DTNA: variants seen among roughly 807,000 people sequenced by gnomAD.
DTNA encodes dystrophin-related protein 3.
A neutral mutation model predicts 100.7 loss-of-function variants in DTNA; 43 were observed. That is an observed-to-expected ratio of 0.43 (90% CI 0.33 to 0.55). The LOEUF (loss-of-function observed/expected upper bound fraction) is 0.55, where lower values mean the gene tolerates loss of function less well. Among genes scored for constraint, DTNA ranks in the 20% least tolerant of loss-of-function variants. The probability of loss-of-function intolerance (pLI) is 0.04; values close to 1 mark genes in which losing one functional copy is unlikely to be tolerated. For missense variants in DTNA, 798 were observed against 953.9 expected, an observed-to-expected ratio of 0.84 and a Z score of 2.15; for synonymous variants, 349 against 347.9, an observed-to-expected ratio of 1.00 and a Z score of -0.04.
intron 1 of DTNA, among the ~76,000 whole-genome samples, chr18:34,526,728 C>G (rs2042659057): frequency 6.6e-6 from 1 of 152,032 alleles, no homozygotes; most frequent in South Asian, 2.1e-4. Flanking sequence ...GAAGTTGACC[C>G]TTCTATTGTT....
chr18:34,756,312 A>C (rs964350923), intron 2 of DTNA, among the ~76,000 whole-genome samples: 30 of 152,242 alleles, frequency 2.0e-4, no homozygotes, highest in Admixed American at 1.4e-3. Context: ...ATATATGCAC[A>C]TACACAGACA....
chr18:34,563,686 A>G (rs376641224), intron 1 of DTNA, among the ~76,000 whole-genome samples: 79 of 152,292 alleles, frequency 5.2e-4, no homozygotes, highest in African/African-American at 1.4e-3. Flanking sequence ...TTGAGTTATA[A>G]CTGACAAATT....
intron 1 of DTNA, among the ~76,000 whole-genome samples, chr18:34,641,670 G>T: frequency 6.6e-6 from 1 of 152,162 alleles, no homozygotes. Context: ...GAATATCATT[G>T]CGTCTCAAAT....
At chr18:34,509,833 C>T (rs2040857525) in intron 1 of DTNA, among the ~76,000 whole-genome samples, 1 of 151,900 alleles carries the variant, frequency 6.6e-6, no homozygotes, top group Admixed American at 6.6e-5. Context: ...CTCTAAATAC[C>T]TTTAATATTT....
intron 1 of DTNA, among the ~76,000 whole-genome samples, chr18:34,723,637 G>A (rs1162887089): frequency 6.6e-6 from 1 of 152,136 alleles, no homozygotes; most frequent in African/African-American, 2.4e-5. Context: ...GGTGGCTCAG[G>A]CCTGTAATCC....
In DTNA at chr18:34,605,633, GCACACACACACACA is replaced by G. The variant is rs3078088; in HGVS notation, c.-2+112146_-2+112159del. On this transcript the variant is annotated intron_variant, in intron 1 of 19. Transcript: ENST00000283365. The stretch of plus-strand genomic sequence containing the variant: ...GCAAACCATCAAAATTGCAACTCAG[GCACACACACACACA>G]CACACACACACACACACACACACAC... Among the ~76,000 whole-genome samples the G allele has an allele frequency of 3.5e-4, 50 of 142,236 alleles. 1 individual carries two copies. Among genetic ancestry groups the G allele is most frequent in the Non-Finnish European group, 7.7e-5 (5 of 65,088 alleles). 93.3% of individuals were successfully genotyped at this position (142,236 alleles called of 152,430 possible).
chr18:34,695,705 A>G (rs1488305222), intron 1 of DTNA, among the ~76,000 whole-genome samples: 1 of 152,206 alleles, frequency 6.6e-6, no homozygotes, highest in Non-Finnish European at 1.5e-5. Context: ...GTCCTTCTCT[A>G]TGGTCTGATA....
intron 17 of DTNA, chr18:34,867,822 C>T (rs2096722932): frequency 1.0e-6 from 1 of 985,456 alleles, no homozygotes; most frequent in African/African-American, 1.7e-5. Context: ...CCTTCCAGCT[C>T]CTCTCCACCA....
intron 15 of DTNA, 105 bp downstream of exon 15, chr18:34,852,033 T>C: frequency 8.9e-7 from 1 of 1,122,640 alleles, no homozygotes; most frequent in Non-Finnish European, 1.3e-6. Flanking sequence ...GTATGGCTAC[T>C]CAAGGGAAGA....
intron 1 of DTNA, among the ~76,000 whole-genome samples, chr18:34,512,020 A>G (rs1340352180): frequency 6.6e-6 from 1 of 151,900 alleles, no homozygotes; most frequent in Non-Finnish European, 1.5e-5. Flanking sequence ...GAGTCTCTGC[A>G]TCTGTTGAAT....
intron 1 of DTNA, among the ~76,000 whole-genome samples, chr18:34,605,997 A>T (rs954155227): frequency 1.3e-5 from 2 of 152,110 alleles, no homozygotes; most frequent in African/African-American, 2.4e-5. Context: ...GTGTTAAAAA[A>T]CAATTTATGT....
At chr18:34,805,335 T>C (rs952674042) in intron 4 of DTNA, among the ~76,000 whole-genome samples, 1 of 151,660 alleles carries the variant, frequency 6.6e-6, no homozygotes, top group Non-Finnish European at 1.5e-5. Flanking sequence ...AGCTTTTACT[T>C]TTTTTTTAAG....
At position 34,824,455 on chromosome 18, in the gene DTNA, G is replaced by A. The variant is rs565706301; in HGVS notation, c.1002-3138G>A. ...CGCGCCACCGCACTCCAGCCTAGGC[G>A]ACAGAGCAAGACGCCATCTCAAAAA... On this transcript the variant is annotated intron_variant, in intron 9 of 22. Coordinates refer to ENST00000444659, the MANE Select transcript of DTNA (RefSeq NM_001386795.1). 4.0e-3 allele frequency among the ~76,000 whole-genome samples: 601 copies of A among 150,432 alleles called. 2 individuals are homozygous for A. Among genetic ancestry groups the A allele is most frequent in the African/African-American group, 0.014 (581 of 40,896 alleles).
chr18:34,570,445 G>A (rs796234279), intron 1 of DTNA, among the ~76,000 whole-genome samples: 180 of 152,292 alleles, frequency 1.2e-3, no homozygotes, highest in African/African-American at 4.2e-3. Flanking sequence ...TTTGAAAGCA[G>A]GGACAGAGTC....
intron 1 of DTNA, among the ~76,000 whole-genome samples, chr18:34,661,282 T>C (rs942516830): frequency 1.3e-5 from 2 of 152,226 alleles, no homozygotes; most frequent in Non-Finnish European, 2.9e-5. Flanking sequence ...TACTAGACAC[T>C]GCTCTAGCTA....
chr18:34,723,339 G>A (rs2085797056), intron 1 of DTNA, among the ~76,000 whole-genome samples: 1 of 152,168 alleles, frequency 6.6e-6, no homozygotes, highest in Non-Finnish European at 1.5e-5. Context: ...GCCACATCCT[G>A]TGTACTTAAC....
chr18:34,888,737 T>C lies in DTNA; in HGVS notation c.*1003T>C. On this transcript the variant is annotated 3_prime_UTR_variant, in exon 23 of 23. Coordinates refer to ENST00000444659, the MANE Select transcript of DTNA (RefSeq NM_001386795.1). ...CTCTTCCATGGTCTTGTTCCTCTCG[T>C]TTTGGCTTTAGGAAGCATGTCTTTA... The C allele has an allele frequency of 1.0e-6, 1 of 985,858 alleles. No individual in the cohort carries two copies. Among genetic ancestry groups the C allele is most frequent in the African/African-American group, 1.7e-5 (1 of 57,342 alleles). The allele number at this position is 985,858 out of a possible 1,614,324, so 61.1% of individuals were successfully genotyped here.
intron 1 of DTNA, among the ~76,000 whole-genome samples, chr18:34,749,618 G>T (rs1021386012): frequency 7.5e-5 from 11 of 146,848 alleles, no homozygotes; most frequent in African/African-American, 2.8e-4. Context: ...CACTAAAGTA[G>T]TGAGCTCATG....
intron 1 of DTNA, among the ~76,000 whole-genome samples, chr18:34,718,829 G>A (rs1239775225): frequency 6.6e-6 from 1 of 152,190 alleles, no homozygotes; most frequent in Admixed American, 6.5e-5. Context: ...TGCTGACCAT[G>A]TGTGGCTTGA....
Sources: allele counts gnomAD v4.1 joint callset (sites outside exome capture counted in the v4.1 genomes callset), GRCh38; gene constraint gnomAD v4.1.1; transcripts MANE v1.5; gene names NCBI Gene and HGNC (gene_info 2026-07-23, HGNC 2026-07-21).